Variants in PACRG observed in about 807,000 individuals in gnomAD.
PACRG encodes the protein parkin coregulated gene protein.
In PACRG, 29 loss-of-function variants were observed where a neutral mutation model predicts 29.7. The ratio of observed to expected loss-of-function variants is 0.98; its 90% CI spans 0.73 to 1.33. PACRG has a LOEUF of 1.33. Ranked by LOEUF, PACRG falls within the 40% of genes most tolerant of loss-of-function variation. The pLI, the probability that PACRG is intolerant of heterozygous loss-of-function variation, is 0.00. For missense variants in PACRG, 279 were observed against 316.2 expected, an observed-to-expected ratio of 0.88 and a Z score of 0.89; for synonymous variants, 116 against 118.7, an observed-to-expected ratio of 0.98 and a Z score of 0.15.
chr6:163,185,555 A>T (rs752101605), intron 4 of PACRG, among the ~76,000 whole-genome samples: 3 of 152,222 alleles, frequency 2.0e-5, no homozygotes, highest in Non-Finnish European at 2.9e-5. Context: ...GAATTCGTTA[A>T]GAAAAAGAAC....
In PACRG at chr6:162,775,218, G is replaced by A. The variant is rs369995985; in HGVS notation, c.157-38929G>A. Among the ~76,000 whole-genome samples, 102 of 152,232 alleles carry A rather than the reference G, an allele frequency of 6.7e-4. No homozygotes were observed. In the East Asian group the frequency reaches 0.01, roughly 15 times the overall value. The stretch of plus-strand genomic sequence containing the variant: ...CGCAGCAGACACCAAGTCTGCTGGT[G>A]CCTAAATCTTGGACTTCTTAGCTTC... On this transcript the variant is annotated intron_variant, in intron 1 of 4. Coordinates refer to ENST00000366888, the MANE Select transcript of PACRG (RefSeq NM_001080379.2).
chr6:163,110,290 A>T (rs1815638948), intron 4 of PACRG, among the ~76,000 whole-genome samples: 3 of 152,166 alleles, frequency 2.0e-5, no homozygotes. Context: ...CATAGAAAAA[A>T]CCATTCATTC....
intron 2 of PACRG, among the ~76,000 whole-genome samples, chr6:163,011,955 G>A (rs1233470557): frequency 6.6e-6 from 1 of 152,172 alleles, no homozygotes; most frequent in East Asian, 1.9e-4. Flanking sequence ...TGGCAGGCAT[G>A]AAGCTGTATC....
At chr6:162,957,202 G>C in intron 2 of PACRG, 2 of 360,432 alleles carry the variant, frequency 5.5e-6, no homozygotes, top group South Asian at 2.8e-5. Context: ...GATGTGTGGG[G>C]CCCAGCTTAT....
chr6:163,111,883 T>C (rs1029409390), intron 4 of PACRG: 2 of 201,666 alleles, frequency 9.9e-6, no homozygotes, highest in Non-Finnish European at 1.8e-5. Context: ...GTAAATCTAA[T>C]TTTAACAAAT....
chr6:162,790,727 T>G (rs1001172189), intron 1 of PACRG, among the ~76,000 whole-genome samples: 6 of 152,162 alleles, frequency 3.9e-5, no homozygotes, highest in African/African-American at 1.4e-4. Context: ...ATAAATTTCT[T>G]TTTGGAAGAA....
chr6:163,124,581 C>T (rs1445537315), intron 4 of PACRG, among the ~76,000 whole-genome samples: 1 of 152,046 alleles, frequency 6.6e-6, no homozygotes, highest in Non-Finnish European at 1.5e-5. Flanking sequence ...GGAAAAGAGG[C>T]TGAGGAGGTT....
intron 2 of PACRG, among the ~76,000 whole-genome samples, chr6:162,918,621 T>G (rs930851038): frequency 6.6e-6 from 1 of 152,204 alleles, no homozygotes; most frequent in Admixed American, 6.5e-5. Flanking sequence ...AATGAGAGAT[T>G]TTTAAAGGAT....
At chr6:162,740,726 A>T (rs1780521230) in intron 1 of PACRG, among the ~76,000 whole-genome samples, 1 of 151,668 alleles carries the variant, frequency 6.6e-6, no homozygotes, top group Non-Finnish European at 1.5e-5. Flanking sequence ...CAGCCTCCAA[A>T]GTAGCTGGGA....
chr6:162,935,321 C>T (rs894063499), intron 2 of PACRG, among the ~76,000 whole-genome samples: 3 of 151,268 alleles, frequency 2.0e-5, no homozygotes, highest in Non-Finnish European at 4.4e-5. Context: ...TCCCAAAATG[C>T]AAAACTTTTT....
chr6:163,274,861 C>CTTTCTTTT (rs1554238854), intron 4 of PACRG, among the ~76,000 whole-genome samples: 5 of 126,320 alleles, frequency 4.0e-5, no homozygotes, highest in African/African-American at 1.2e-4. Context: ...TTCTTTCTTT[C>CTTTCTTTT]TTTTTTTTTT....
chr6:163,014,979 A>G (rs1805960323), intron 2 of PACRG, among the ~76,000 whole-genome samples: 1 of 152,172 alleles, frequency 6.6e-6, no homozygotes, highest in Non-Finnish European at 1.5e-5. Flanking sequence ...TTATAGCTTG[A>G]GGTCTTATAT....
intron 4 of PACRG, among the ~76,000 whole-genome samples, chr6:163,120,232 G>A (rs577727066): frequency 6.6e-6 from 1 of 152,152 alleles, no homozygotes; most frequent in African/African-American, 2.4e-5. Flanking sequence ...TTGAAAAGAA[G>A]TTCTGCTCTG....
chr6:163,304,464 TACC>T (rs1394730466), intron 4 of PACRG, among the ~76,000 whole-genome samples: 1 of 152,132 alleles, frequency 6.6e-6, no homozygotes, highest in African/African-American at 2.4e-5. Context: ...ATAACATAAT[TACC>T]ATGATCCTTT....
intron 2 of PACRG, among the ~76,000 whole-genome samples, chr6:162,947,886 A>G (rs1799361649): frequency 6.6e-6 from 1 of 151,584 alleles, no homozygotes; most frequent in Admixed American, 6.6e-5. Flanking sequence ...CATAACACTG[A>G]TTTAAAAAAT....
intron 4 of PACRG, among the ~76,000 whole-genome samples, chr6:163,256,926 A>G (rs1783134269): frequency 6.6e-6 from 1 of 152,184 alleles, no homozygotes; most frequent in South Asian, 2.1e-4. Flanking sequence ...GACTAAAGGC[A>G]GGGGGAACCC....
intron 2 of PACRG, among the ~76,000 whole-genome samples, chr6:162,894,942 T>G (rs896348503): frequency 6.6e-6 from 1 of 152,154 alleles, no homozygotes; most frequent in African/African-American, 2.4e-5. Flanking sequence ...CACTGAAGAT[T>G]ATAATGCTGA....
At chr6:163,239,888 ACACACT>A (rs1441358074) in intron 4 of PACRG, among the ~76,000 whole-genome samples, 1 of 136,002 alleles carries the variant, frequency 7.4e-6, no homozygotes, top group African/African-American at 3.0e-5. Context: ...ACACTCTGAC[ACACACT>A]CACACTGTCA....
chr6:163,188,636 G>A (rs1009482852), intron 4 of PACRG, among the ~76,000 whole-genome samples: 3 of 152,198 alleles, frequency 2.0e-5, no homozygotes, highest in Non-Finnish European at 4.4e-5. Flanking sequence ...GTTCTAAAGC[G>A]TGGCCTGACC....
Sources: allele counts gnomAD v4.1 joint callset (sites outside exome capture counted in the v4.1 genomes callset), GRCh38; gene constraint gnomAD v4.1.1; transcripts MANE v1.5; gene names NCBI Gene and HGNC (gene_info 2026-07-23, HGNC 2026-07-21).